The following SPATA17 variants were observed in gnomAD, a reference collection of about 807,000 sequenced individuals.
SPATA17 encodes the protein spermatogenesis associated 17.
In SPATA17, 53 loss-of-function variants were observed where a neutral mutation model predicts 62.2. The ratio of observed to expected loss-of-function variants is 0.85; its 90% CI spans 0.68 to 1.07. SPATA17 has a LOEUF of 1.07. Ranked by LOEUF, SPATA17 falls within the 50% of genes least tolerant of loss-of-function variation. The pLI is 0.00. For missense variants in SPATA17, 466 were observed against 425.5 expected, an observed-to-expected ratio of 1.10 and a Z score of -0.84; for synonymous variants, 146 against 146.8, an observed-to-expected ratio of 0.99 and a Z score of 0.04.
rs1000765943 is a variant in SPATA17 at position 217,871,334 on chromosome 1, A to G, written c.*4315A>G. 1 of 151,960 alleles carries G rather than the reference A, an allele frequency of 6.6e-6. No homozygotes were observed. Among genetic ancestry groups the G allele is most frequent in the Admixed American group, 6.6e-5 (1 of 15,242 alleles). 9.4% of individuals were successfully genotyped at this position (151,960 alleles called of 1,614,324 possible). On this transcript the variant is annotated 3_prime_UTR_variant, in exon 11 of 11. Coordinates refer to ENST00000366933, the MANE Select transcript of SPATA17 (RefSeq NM_138796.4). The stretch of plus-strand genomic sequence containing the variant: ...TTTATGGCCTACCTGTTACAGCTGC[A>G]CGGTATCCATTTTCTGTGCTAAATT...
Position 217,722,113 on chromosome 1 carries a change from T to C in SPATA17, c.396-19862T>C, listed in dbSNP as rs553501559. ...GACCTGTTCTCCCAGTGGCTATAAT[T>C]AGATGTAGTGCAGGGAGAGAAAATG... On this transcript the variant is annotated intron_variant, in intron 5 of 10. Transcript: ENST00000366933. 2.6e-5 allele frequency among the ~76,000 whole-genome samples: 4 copies of C among 152,274 alleles called. No individual in the cohort carries two copies. The South Asian group carries it at 6.2e-4, about 24-fold the overall frequency.
chr1:217,649,443 C>T (rs1033459918), intron 2 of SPATA17, among the ~76,000 whole-genome samples: 3 of 152,058 alleles, frequency 2.0e-5, no homozygotes, highest in Non-Finnish European at 2.9e-5. Flanking sequence ...GGTGCCACTG[C>T]GTTCCAGCCT....
rs1332645146 is a variant in SPATA17 at position 217,667,122 on chromosome 1, A to G, written c.241-1911A>G. 6.6e-5 allele frequency among the ~76,000 whole-genome samples: 9 copies of G among 135,704 alleles called. No homozygotes were observed. In the South Asian group the frequency reaches 6.7e-4, roughly 10 times the overall value. 89.0% of individuals were successfully genotyped at this position (135,704 alleles called of 152,430 possible). A position where few individuals can be genotyped will look rare whatever the true frequency, so the allele number is the denominator to read the frequency against. On this transcript the variant is annotated intron_variant, in intron 3 of 10. Coordinates refer to ENST00000366933, the MANE Select transcript of SPATA17 (RefSeq NM_138796.4). Reference sequence around the variant, plus strand: ...GAATGCAGTGGCTTGATCTTGGCTCACTGCAACCTCCGCCTCCCAGGTTCA... The same window carrying G: ...GAATGCAGTGGCTTGATCTTGGCTCGCTGCAACCTCCGCCTCCCAGGTTCA...
chr1:217,728,941 T>G (rs542420804), intron 5 of SPATA17, among the ~76,000 whole-genome samples: 1 of 152,340 alleles, frequency 6.6e-6, no homozygotes, highest in South Asian at 2.1e-4. Context: ...ACAAGATCTC[T>G]TAATGAAGTT....
At chr1:217,849,519 T>C (rs1251723825) in intron 9 of SPATA17, among the ~76,000 whole-genome samples, 1 of 151,072 alleles carries the variant, frequency 6.6e-6, no homozygotes. Flanking sequence ...AAATGAAAAC[T>C]AAATATATAT....
intron 6 of SPATA17, among the ~76,000 whole-genome samples, chr1:217,765,405 A>G (rs1673275275): frequency 6.6e-6 from 1 of 151,836 alleles, no homozygotes; most frequent in South Asian, 2.1e-4. Flanking sequence ...CATTCAATGC[A>G]ATAAATTTTC....
At chr1:217,789,603 T>C (rs1673951135) in intron 8 of SPATA17, among the ~76,000 whole-genome samples, 1 of 152,158 alleles carries the variant, frequency 6.6e-6, no homozygotes, top group African/African-American at 2.4e-5. Context: ...GGCAAAATCA[T>C]AAATCAATAC....
intron 4 of SPATA17, among the ~76,000 whole-genome samples, chr1:217,679,307 T>C (rs917987109): frequency 6.6e-6 from 1 of 152,204 alleles, no homozygotes; most frequent in African/African-American, 2.4e-5. Context: ...TTTACTGTTT[T>C]ACTGGTTATG....
chr1:217,839,044 A>C (rs1675328929), intron 9 of SPATA17, among the ~76,000 whole-genome samples: 1 of 152,098 alleles, frequency 6.6e-6, no homozygotes, highest in African/African-American at 2.4e-5. Flanking sequence ...AAACAGGAAG[A>C]AAAATCAATC....
At chr1:217,714,488 C>CTTTGTTTTTTTTTTTTTTTTTTTTTTT (rs1671952472) in intron 5 of SPATA17, among the ~76,000 whole-genome samples, 1 of 121,432 alleles carries the variant, frequency 8.2e-6, no homozygotes, top group Non-Finnish European at 1.7e-5. Context: ...AAACGTGTTT[C>CTTTGTTTTTTTTTTTTTTTTTTTTTTT]TTTTTTTTTT....
chr1:217,732,483 C>T (rs1041854757), intron 5 of SPATA17, among the ~76,000 whole-genome samples: 2 of 152,124 alleles, frequency 1.3e-5, no homozygotes, highest in African/African-American at 4.8e-5. Flanking sequence ...GATCATGAAA[C>T]TCTTTTTATA....
At chr1:217,659,163 T>C (rs1390342565) in intron 3 of SPATA17, among the ~76,000 whole-genome samples, 13 of 150,816 alleles carry the variant, frequency 8.6e-5, no homozygotes, top group Admixed American at 8.6e-4. Context: ...AGAAATTCAA[T>C]TTAAAGGAGA....
chr1:217,837,574 T>C (rs888964314), intron 9 of SPATA17, among the ~76,000 whole-genome samples: 1 of 152,064 alleles, frequency 6.6e-6, no homozygotes, highest in African/African-American at 2.4e-5. Flanking sequence ...AGGAAAATGG[T>C]CTTTTTTGTT....
rs146691318 is a variant in SPATA17, at chr1:217,665,893, C to T, written c.241-3140C>T. On this transcript the variant is annotated intron_variant, in intron 3 of 10. Coordinates refer to ENST00000366933, the MANE Select transcript of SPATA17 (RefSeq NM_138796.4). ...GAGCTAGGTAATATGACAAAGGCCA[C>T]ATAGAGCTAACAAATGGCTGATAAT... Among the ~76,000 whole-genome samples, 181 of 152,276 alleles carry T rather than the reference C, an allele frequency of 1.2e-3. 1 individual carries two copies. Among genetic ancestry groups the T allele is most frequent in the African/African-American group, 3.7e-3 (153 of 41,542 alleles).
chr1:217,691,129 C>T (rs1160848027), intron 5 of SPATA17, among the ~76,000 whole-genome samples: 1 of 147,486 alleles, frequency 6.8e-6, no homozygotes, highest in Non-Finnish European at 1.5e-5. Context: ...GTTCCTATTT[C>T]TCCACATCCT....
rs182926315 is a variant in SPATA17 at position 217,870,685 on chromosome 1, A to G, written c.*3666A>G. ...TGACTACTGACCACTAAAAACACTAAGAGTACCACTGTGGATGTTTAAAAA... is the reference window on the plus strand; with the variant it reads ...TGACTACTGACCACTAAAAACACTAGGAGTACCACTGTGGATGTTTAAAAA... On this transcript the variant is annotated 3_prime_UTR_variant, in exon 11 of 11. Transcript: ENST00000366933. 5 of 152,164 alleles carry G rather than the reference A, an allele frequency of 3.3e-5. No homozygotes were observed. The highest frequency in any genetic ancestry group is 7.3e-5 in the Non-Finnish European group (5 of 68,034). The allele number at this position is 152,164 out of a possible 1,614,324, so 9.4% of individuals were successfully genotyped here.
intron 5 of SPATA17, among the ~76,000 whole-genome samples, chr1:217,706,418 G>C (rs1179797200): frequency 6.6e-6 from 1 of 152,172 alleles, no homozygotes; most frequent in Non-Finnish European, 1.5e-5. Flanking sequence ...TAATCCCCAT[G>C]TGTTGAGGAA....
rs182695352 is a variant in SPATA17 at position 217,829,802 on chromosome 1, G to A, written c.1005+27952G>A. 3.3e-3 allele frequency among the ~76,000 whole-genome samples: 502 copies of A among 151,852 alleles called. 1 individual carries two copies. The highest frequency in any genetic ancestry group is 0.011 in the African/African-American group (468 of 41,384). On this transcript the variant is annotated intron_variant, in intron 9 of 10. Transcript: ENST00000366933. Reference sequence around the variant, plus strand: ...ATAGGTCATATATATTTATATATAGGTCAAAAGATACAAAATAGCAGATAT... The same window carrying A: ...ATAGGTCATATATATTTATATATAGATCAAAAGATACAAAATAGCAGATAT...
intron 6 of SPATA17, among the ~76,000 whole-genome samples, chr1:217,753,764 G>A (rs1252357495): frequency 6.6e-6 from 1 of 151,648 alleles, no homozygotes; most frequent in Non-Finnish European, 1.5e-5. Context: ...ACATTCAAAA[G>A]CCAGAAAAGA....
Sources: allele counts gnomAD v4.1 joint callset (sites outside exome capture counted in the v4.1 genomes callset), GRCh38; gene constraint gnomAD v4.1.1; transcripts MANE v1.5; gene names NCBI Gene and HGNC (gene_info 2026-07-23, HGNC 2026-07-21).